CSMD1: variants seen among roughly 807,000 people sequenced by gnomAD.
CSMD1 encodes CUB and Sushi multiple domains 1.
Under a neutral mutation model 417.5 loss-of-function variants are expected in CSMD1, and 213 were observed. The observed-to-expected ratio is 0.51, with a 90% CI of 0.46 to 0.57. The LOEUF (loss-of-function observed/expected upper bound fraction) is 0.57, where lower values mean the gene tolerates loss of function less well. CSMD1 is among the 20% of genes least tolerant of loss of function. The pLI is 0.00. For synonymous variants in CSMD1, 2,862 were observed against 1,736.8 expected (o/e 1.65, Z -16.11); for missense variants, 6,923 against 4,529.7 (o/e 1.53, Z -15.17).
intron 3 of CSMD1, among the ~76,000 whole-genome samples, chr8:4,049,601 G>C (rs895415541): frequency 1.6e-4 from 25 of 152,014 alleles, no homozygotes; most frequent in East Asian, 1.4e-3. Context: ...TTTTTATTTA[G>C]GGTTTAATAT....
intron 3 of CSMD1, among the ~76,000 whole-genome samples, chr8:4,405,432 T>C (rs930002832): frequency 6.6e-5 from 10 of 152,152 alleles, no homozygotes; most frequent in Non-Finnish European, 1.0e-4. Flanking sequence ...CAGTTGTCAA[T>C]TGTAAAATGA....
chr8:3,149,661 A>G (rs367856585), intron 40 of CSMD1, among the ~76,000 whole-genome samples: 34 of 152,164 alleles, frequency 2.2e-4, no homozygotes, highest in African/African-American at 8.2e-4. Context: ...TATTTTTAGT[A>G]GAGACGGCGT....
At chr8:4,122,194 C>G (rs1802522955) in intron 3 of CSMD1, among the ~76,000 whole-genome samples, 1 of 152,114 alleles carries the variant, frequency 6.6e-6, no homozygotes, top group Non-Finnish European at 1.5e-5. Flanking sequence ...GACTCCAACA[C>G]CGTGTTAATG....
intron 1 of CSMD1, among the ~76,000 whole-genome samples, chr8:4,693,738 G>A (rs75749331): frequency 6.7e-3 from 200 of 29,742 alleles, no homozygotes; most frequent in African/African-American, 0.053. Context: ...ATTCATAGAT[G>A]TGATCATAGC....
intron 46 of CSMD1, 31 bp from the exon 47 acceptor site, chr8:3,097,068 T>C: frequency 1.4e-6 from 2 of 1,470,290 alleles, no homozygotes; most frequent in East Asian, 5.0e-5. Context: ...AAAAGTTTGC[T>C]TTAATAAAAT....
intron 9 of CSMD1, among the ~76,000 whole-genome samples, chr8:3,580,075 G>A (rs1288485226): frequency 6.6e-6 from 1 of 152,122 alleles, no homozygotes; most frequent in African/African-American, 2.4e-5. Context: ...CTGTACTACA[G>A]CCTGTGTGAC....
At chr8:2,962,415 C>G in intron 61 of CSMD1, 51 bp downstream of exon 61, 1 of 1,516,730 alleles carries the variant, frequency 6.6e-7, no homozygotes, top group Non-Finnish European at 9.0e-7. Context: ...ATGAAGCGTC[C>G]TCATCTCCAA....
intron 7 of CSMD1, among the ~76,000 whole-genome samples, chr8:3,686,440 G>A (rs1229427226): frequency 6.6e-6 from 1 of 152,106 alleles, no homozygotes; most frequent in African/African-American, 2.4e-5. Flanking sequence ...GATGGGTTAA[G>A]AATATGCCAC....
At chr8:4,525,848 T>C (rs979447866) in intron 2 of CSMD1, among the ~76,000 whole-genome samples, 1 of 152,112 alleles carries the variant, frequency 6.6e-6, no homozygotes, top group African/African-American at 2.4e-5. Flanking sequence ...TTGACATGTG[T>C]CCACAGTTCC....
Position 4,085,798 on chromosome 8 carries a change from A to G in CSMD1, c.416-53699T>C, listed in dbSNP as rs189737107. On this transcript the variant is annotated intron_variant, in intron 3 of 69. Coordinates refer to ENST00000635120, the MANE Select transcript of CSMD1 (RefSeq NM_033225.6). ...AAGGAAGTAAATATGTTTATCATAA[A>G]GACACCATGAAGCTTCCTGATAGCC... 3.3e-5 allele frequency among the ~76,000 whole-genome samples: 5 copies of G among 152,320 alleles called. No individual in the cohort carries two copies. In the East Asian group the frequency reaches 7.7e-4, roughly 24 times the overall value.
chr8:4,219,336 A>T (rs1800879410), intron 3 of CSMD1, among the ~76,000 whole-genome samples: 1 of 152,160 alleles, frequency 6.6e-6, no homozygotes, highest in South Asian at 2.1e-4. Context: ...CACTTTCGTA[A>T]CTTGAGCTGG....
intron 12 of CSMD1, among the ~76,000 whole-genome samples, chr8:3,425,359 G>A (rs1009400922): frequency 6.6e-6 from 1 of 151,856 alleles, no homozygotes; most frequent in Non-Finnish European, 1.5e-5. Context: ...GGAGGCTGAG[G>A]TGCGTGGATC....
At chr8:4,058,154 T>G (rs1315294385) in intron 3 of CSMD1, among the ~76,000 whole-genome samples, 1 of 152,180 alleles carries the variant, frequency 6.6e-6, no homozygotes, top group Non-Finnish European at 1.5e-5. Flanking sequence ...TATTGACTCT[T>G]CCTACCCATG....
chr8:3,394,961 A>G (rs1811598224), intron 17 of CSMD1, among the ~76,000 whole-genome samples: 1 of 152,194 alleles, frequency 6.6e-6, no homozygotes, highest in Non-Finnish European at 1.5e-5. Context: ...TAAGATATAC[A>G]TGCATATGCA....
intron 18 of CSMD1, among the ~76,000 whole-genome samples, chr8:3,380,105 A>G (rs987777953): frequency 3.3e-5 from 5 of 152,210 alleles, no homozygotes; most frequent in Non-Finnish European, 2.9e-5. Flanking sequence ...TCTCTAAAGA[A>G]GACATTTATG....
chr8:4,128,029 T>C (rs762422989), intron 3 of CSMD1, among the ~76,000 whole-genome samples: 1 of 152,170 alleles, frequency 6.6e-6, no homozygotes, highest in African/African-American at 2.4e-5. Flanking sequence ...ACATTTTATA[T>C]TCTTCAGGTG....
intron 3 of CSMD1, among the ~76,000 whole-genome samples, chr8:4,277,306 T>C (rs113225311): frequency 7.9e-5 from 12 of 152,134 alleles, no homozygotes; most frequent in African/African-American, 2.9e-4. Context: ...AAAAATCCAC[T>C]GAAGGGAACG....
intron 7 of CSMD1, 56 bp from the exon 8 acceptor site, chr8:3,616,853 GAT>G: frequency 7.9e-7 from 1 of 1,260,496 alleles, no homozygotes; most frequent in Middle Eastern, 1.9e-4. Flanking sequence ...GAAATACCCA[GAT>G]AAAAAATTTA....
At chr8:4,078,252 A>C in intron 3 of CSMD1, among the ~76,000 whole-genome samples, 1 of 151,506 alleles carries the variant, frequency 6.6e-6, no homozygotes, top group Non-Finnish European at 1.5e-5. Flanking sequence ...GTATTACGTA[A>C]TTGCACTATG....
Sources: gnomAD v4.1 joint callset for allele counts (sites outside exome capture counted in the v4.1 genomes callset) on GRCh38, gnomAD v4.1.1 for gene constraint, MANE v1.5 for transcripts, NCBI Gene and HGNC (gene_info 2026-07-23, HGNC 2026-07-21) for gene names.